Variants in SAMD4A observed in about 807,000 individuals in gnomAD.
SAMD4A encodes sterile alpha motif domain containing 4A.
SAMD4A carries 33 observed loss-of-function variants against 81.3 expected under a neutral mutation model. The observed-to-expected ratio is 0.41, with a 90% confidence interval of 0.31 to 0.54. The LOEUF (loss-of-function observed/expected upper bound fraction) is 0.54. Ranked by LOEUF, SAMD4A falls within the 20% of genes least tolerant of loss-of-function variation. The probability of loss-of-function intolerance (pLI) is 0.37; values close to 1 mark genes in which losing one functional copy is unlikely to be tolerated. For synonymous variants in SAMD4A, 389 were observed against 382.1 expected (o/e 1.02, Z -0.21); for missense variants, 854 against 951.1 (o/e 0.90, Z 1.34).
chr14:54,725,769 G>T (rs768271507), intron 3 of SAMD4A, among the ~76,000 whole-genome samples: 3 of 152,160 alleles, frequency 2.0e-5, no homozygotes, highest in Admixed American at 6.6e-5. Flanking sequence ...CGTAGCCTTT[G>T]TTATCTACTA....
chr14:54,584,252 A>G (rs1240065760), intron 2 of SAMD4A, among the ~76,000 whole-genome samples: 1 of 152,168 alleles, frequency 6.6e-6, no homozygotes, highest in Non-Finnish European at 1.5e-5. Context: ...TGCCAGACTG[A>G]CTTCATTTTT....
At chr14:54,757,080 C>T (rs1300720409) in intron 6 of SAMD4A, among the ~76,000 whole-genome samples, 1 of 152,216 alleles carries the variant, frequency 6.6e-6, no homozygotes, top group Non-Finnish European at 1.5e-5. Context: ...TTAATTCTTA[C>T]AGTCAAGGGT....
At chr14:54,572,329 C>T (rs1435679581) in intron 2 of SAMD4A, among the ~76,000 whole-genome samples, 1 of 152,058 alleles carries the variant, frequency 6.6e-6, no homozygotes, top group African/African-American at 2.4e-5. Context: ...GAGCTGAGTC[C>T]TGAGGGGCGA....
chr14:54,626,451 G>C (rs960182682), intron 2 of SAMD4A, among the ~76,000 whole-genome samples: 3 of 152,152 alleles, frequency 2.0e-5, no homozygotes, highest in African/African-American at 7.2e-5. Flanking sequence ...TTGCACAACA[G>C]TGAGTGTTCT....
chr14:54,773,595 T>C (rs543468465), intron 9 of SAMD4A, among the ~76,000 whole-genome samples: 2 of 152,316 alleles, frequency 1.3e-5, no homozygotes, highest in South Asian at 2.1e-4. Flanking sequence ...AGCGCCGGCA[T>C]CTGCACGTGA....
intron 2 of SAMD4A, among the ~76,000 whole-genome samples, chr14:54,680,600 G>A (rs1036395489): frequency 6.6e-6 from 1 of 152,172 alleles, no homozygotes; most frequent in African/African-American, 2.4e-5. Flanking sequence ...ACTATTAGTT[G>A]AAACAAGATC....
intron 2 of SAMD4A, among the ~76,000 whole-genome samples, chr14:54,636,094 C>T (rs1017022905): frequency 3.3e-5 from 5 of 152,108 alleles, no homozygotes; most frequent in Non-Finnish European, 7.3e-5. Context: ...GTCAGGCAAG[C>T]TATGGTTGCT....
intron 2 of SAMD4A, among the ~76,000 whole-genome samples, chr14:54,593,522 A>G (rs970873888): frequency 6.6e-6 from 1 of 152,190 alleles, no homozygotes; most frequent in African/African-American, 2.4e-5. Context: ...TTTCTAGGTG[A>G]TTTAGGGGCA....
chr14:54,585,782 C>T (rs1226044347), intron 2 of SAMD4A, among the ~76,000 whole-genome samples: 1 of 152,146 alleles, frequency 6.6e-6, no homozygotes, highest in Non-Finnish European at 1.5e-5. Context: ...AGTTCATTTT[C>T]ATGGCTGAGT....
At chr14:54,668,764 T>C (rs2035810273) in intron 2 of SAMD4A, 1 of 152,264 alleles carries the variant, frequency 6.6e-6, no homozygotes, top group Non-Finnish European at 1.5e-5. Context: ...ATGACATAGA[T>C]ACTATTCTCA....
intron 2 of SAMD4A, among the ~76,000 whole-genome samples, chr14:54,587,055 A>G (rs978904830): frequency 4.6e-5 from 7 of 152,322 alleles, no homozygotes; most frequent in African/African-American, 1.7e-4. Context: ...CTACCTATCC[A>G]TGAGAATGGG....
In SAMD4A at chr14:54,735,854, T is replaced by C. The variant is rs549183869; in HGVS notation, c.716-1170T>C. ...TGGTCTGCTTACTGAAAAACACAGA[T>C]TAACACCCACAAAGAAGTGCTCATC... On this transcript the variant is annotated intron_variant, in intron 3 of 12. Coordinates refer to ENST00000554335, the MANE Select transcript of SAMD4A (RefSeq NM_015589.6). Among the ~76,000 whole-genome samples, 16 of 152,298 alleles carry C rather than the reference T, an allele frequency of 1.1e-4. No individual in the cohort carries two copies. In the East Asian group the frequency reaches 1.4e-3, roughly 13 times the overall value.
rs537112460 is a variant in SAMD4A, at chr14:54,738,020, G to A, written c.979+733G>A. On this transcript the variant is annotated intron_variant, in intron 4 of 12. Coordinates refer to ENST00000554335, the MANE Select transcript of SAMD4A (RefSeq NM_015589.6). ...CTTATGATAGGTACAAAGAGGATAC[G>A]TGCATGCTATATTTTTAGACTCCAC... 2.7e-4 allele frequency among the ~76,000 whole-genome samples: 41 copies of A among 152,254 alleles called. No homozygotes were observed. In the South Asian group the frequency reaches 7.0e-3, roughly 26 times the overall value.
intron 12 of SAMD4A, among the ~76,000 whole-genome samples, chr14:54,787,986 C>A (rs2039183093): frequency 6.6e-6 from 1 of 152,154 alleles, no homozygotes; most frequent in Non-Finnish European, 1.5e-5. Flanking sequence ...GCCGGGCAGG[C>A]CTCACACCTC....
chr14:54,653,046 C>T (rs142072911), intron 2 of SAMD4A, among the ~76,000 whole-genome samples: 23 of 152,124 alleles, frequency 1.5e-4, no homozygotes, highest in African/African-American at 5.5e-4. Context: ...CTCTCGGGTG[C>T]TCCCTGCTGC....
intron 12 of SAMD4A, among the ~76,000 whole-genome samples, chr14:54,786,356 C>G (rs1057106159): frequency 5.3e-5 from 8 of 152,310 alleles, no homozygotes; most frequent in African/African-American, 1.7e-4. Flanking sequence ...TGCAAATATT[C>G]TGGAATTAGA....
intron 2 of SAMD4A, among the ~76,000 whole-genome samples, chr14:54,647,677 C>A (rs145032287): frequency 1.2e-4 from 19 of 152,238 alleles, no homozygotes; most frequent in Non-Finnish European, 2.5e-4. Context: ...GTGTAATATA[C>A]CTTTTCCTTA....
At chr14:54,647,176 ATAAT>A (rs2035304080) in intron 2 of SAMD4A, among the ~76,000 whole-genome samples, 1 of 152,224 alleles carries the variant, frequency 6.6e-6, no homozygotes, top group South Asian at 2.1e-4. Flanking sequence ...CTTGTTTATA[ATAAT>A]TTTAAATGTT....
intron 2 of SAMD4A, among the ~76,000 whole-genome samples, chr14:54,672,194 G>A (rs1298767183): frequency 6.6e-6 from 1 of 151,934 alleles, no homozygotes; most frequent in Non-Finnish European, 1.5e-5. Context: ...GGAGTAGCTG[G>A]GAGTACGGGC....
Sources: allele counts gnomAD v4.1 joint callset (sites outside exome capture counted in the v4.1 genomes callset), GRCh38; gene constraint gnomAD v4.1.1; transcripts MANE v1.5; gene names NCBI Gene and HGNC (gene_info 2026-07-23, HGNC 2026-07-21).